Variants in FOXN3 observed in about 807,000 individuals in gnomAD.
FOXN3 encodes forkhead box protein N3.
A neutral mutation model predicts 38.4 loss-of-function variants in FOXN3; 7 were observed. The ratio of observed to expected loss-of-function variants is 0.18; its 90% confidence interval spans 0.10 to 0.34. The LOEUF (loss-of-function observed/expected upper bound fraction) is 0.34, where lower values mean the gene tolerates loss of function less well. Ranked by LOEUF, FOXN3 falls within the 10% of genes least tolerant of loss-of-function variation. FOXN3 has a pLI of 1.00. For missense variants in FOXN3, 456 were observed against 613.4 expected (o/e 0.74, Z 2.71); for synonymous variants, 230 against 242.2 (o/e 0.95, Z 0.47).
chr14:89,511,482 A>T (rs1342808352), intron 1 of FOXN3, among the ~76,000 whole-genome samples: 3 of 151,454 alleles, frequency 2.0e-5, no homozygotes, highest in Non-Finnish European at 4.4e-5. Flanking sequence ...TTTTGTAGAG[A>T]TAGGGTTTCA....
At chr14:89,304,310 C>T (rs140595928) in intron 3 of FOXN3, among the ~76,000 whole-genome samples, 7 of 152,038 alleles carry the variant, frequency 4.6e-5, no homozygotes, top group South Asian at 2.1e-4. Context: ...CGGGAAGGGG[C>T]GGGAAGGGGC....
At position 89,604,263 on chromosome 14, in the gene FOXN3, G is replaced by A. The variant is rs74082518; in HGVS notation, c.-15+14765C>T. On this transcript the variant is annotated intron_variant, in intron 1 of 6. Coordinates refer to the FOXN3 transcript ENST00000345097. ...CACGTGCGCGCACACACACGCGCGC[G>A]CACACACACAGAGAGAGAGAGAGAG... is the stretch of plus-strand genomic sequence containing the variant. Among the ~76,000 whole-genome samples, 301 of 123,984 alleles carry A rather than the reference G, an allele frequency of 2.4e-3. 1 individual carries two copies. The highest frequency in any genetic ancestry group is 6.4e-3 in the African/African-American group (209 of 32,490). The allele number at this position is 123,984 out of a possible 152,430, so 81.3% of individuals were successfully genotyped here.
At chr14:89,474,567 A>ATCGT (rs1486624384) in intron 1 of FOXN3, among the ~76,000 whole-genome samples, 2 of 152,348 alleles carry the variant, frequency 1.3e-5, no homozygotes, top group East Asian at 3.9e-4. Flanking sequence ...AATAATAAGA[A>ATCGT]TCGTCAGGAC....
At position 89,412,416 on chromosome 14, in the gene FOXN3, C is replaced by T; in HGVS notation, c.61G>A (p.Gly21Arg). Residue 21 changes from glycine (G) to arginine (R), a missense_variant, in exon 2 of 6, where the codon GGA becomes AGA. Physicochemically the swap from Gly to Arg is moderately radical, Grantham distance 125 (BLOSUM62 -2). Transcript: ENST00000557258. The surrounding 1 kb of genome is among the most constrained non-coding windows in gnomAD (Gnocchi z 4.7). ...PESSGISVSS[G>R]LSQCYGGSGF... is the part of the protein sequence containing the mutation. ...CTGCCCCCGTAACACTGACTCAGTC[C>T]ACTGGAGACACTAATTCCTGAGCTT... 1.9e-6 allele frequency: 3 copies of T among 1,613,966 alleles called. No homozygotes were observed. Among genetic ancestry groups the T allele is most frequent in the Non-Finnish European group, 2.5e-6 (3 of 1,179,880 alleles).
At chr14:89,573,544 T>C (rs1895537092) in intron 1 of FOXN3, among the ~76,000 whole-genome samples, 2 of 152,218 alleles carry the variant, frequency 1.3e-5, no homozygotes, top group Admixed American at 1.3e-4. Flanking sequence ...AAGACCAGCA[T>C]GCTTTTTGCT....
intron 4 of FOXN3, among the ~76,000 whole-genome samples, chr14:89,276,531 T>C (rs1331581423): frequency 6.6e-6 from 1 of 151,486 alleles, no homozygotes; most frequent in African/African-American, 2.4e-5. Context: ...CTTCTTAGAG[T>C]GGGTGGGCCA....
At chr14:89,293,889 C>T (rs1277001008) in intron 3 of FOXN3, among the ~76,000 whole-genome samples, 1 of 152,198 alleles carries the variant, frequency 6.6e-6, no homozygotes, top group African/African-American at 2.4e-5. Flanking sequence ...GTGCTTGGAA[C>T]CTGGCTGCCA....
chr14:89,453,205 A>T (rs1177674543), intron 1 of FOXN3, among the ~76,000 whole-genome samples: 3 of 151,750 alleles, frequency 2.0e-5, no homozygotes, highest in Non-Finnish European at 4.4e-5. Flanking sequence ...GTCTCAAAAA[A>T]AAAGAACTAA....
chr14:89,224,919 A>G (rs1884584312), intron 4 of FOXN3, among the ~76,000 whole-genome samples: 1 of 151,936 alleles, frequency 6.6e-6, no homozygotes, highest in Admixed American at 6.6e-5. Context: ...TCACGAGGTC[A>G]GGAGATCGAG....
At chr14:89,441,451 C>T (rs765564411) in intron 1 of FOXN3, among the ~76,000 whole-genome samples, 29 of 152,084 alleles carry the variant, frequency 1.9e-4, no homozygotes, top group Non-Finnish European at 3.8e-4. Flanking sequence ...AGTAATAAGC[C>T]GGGGCAAGAG....
intron 3 of FOXN3, chr14:89,290,067 G>C: frequency 6.4e-6 from 1 of 155,154 alleles, no homozygotes; most frequent in South Asian, 2.0e-4. Context: ...CCACAAAGTC[G>C]TGCCAGAAAC....
At chr14:89,207,347 C>A (rs1566929252) in intron 4 of FOXN3, among the ~76,000 whole-genome samples, 1 of 150,960 alleles carries the variant, frequency 6.6e-6, no homozygotes. Context: ...AAAAAAAAAA[C>A]AACTGGCTAA....
At chr14:89,306,882 A>G (rs1347166187) in intron 3 of FOXN3, among the ~76,000 whole-genome samples, 3 of 152,214 alleles carry the variant, frequency 2.0e-5, no homozygotes, top group Non-Finnish European at 4.4e-5. Flanking sequence ...TGAAATTCAA[A>G]CTTCAATGCC....
chr14:89,325,268 T>TCACCAACACCAACACCAACAC (rs1256226397), intron 3 of FOXN3, among the ~76,000 whole-genome samples: 2 of 59,570 alleles, frequency 3.4e-5, no homozygotes, highest in Non-Finnish European at 9.2e-5. Flanking sequence ...ACCACCACCA[T>TCACCAACACCAACACCAACAC]CACCAACACC....
At chr14:89,450,487 A>C (rs1892592468) in intron 1 of FOXN3, among the ~76,000 whole-genome samples, 1 of 152,140 alleles carries the variant, frequency 6.6e-6, no homozygotes, top group Non-Finnish European at 1.5e-5. Context: ...CATGATGGAC[A>C]CCTGGACTTA....
intron 3 of FOXN3, among the ~76,000 whole-genome samples, chr14:89,324,806 C>T (rs1817171243): frequency 6.6e-6 from 1 of 152,144 alleles, no homozygotes; most frequent in Admixed American, 6.5e-5. Flanking sequence ...TGGAAAGACA[C>T]TGAGAGGTTT....
chr14:89,417,553 TC>T (rs558473381), upstream of FOXN3: 283 of 299,136 alleles, frequency 9.5e-4, 1 homozygote, highest in South Asian at 6.8e-3. Context: ...GCGTGCCCTG[TC>T]CCCTCCCCGG....
chr14:89,345,380 A>C (rs1888732457), intron 3 of FOXN3, among the ~76,000 whole-genome samples: 2 of 152,014 alleles, frequency 1.3e-5, no homozygotes, highest in Non-Finnish European at 1.5e-5. Context: ...AGGAAAGAGA[A>C]GTTACAAAGA....
At chr14:89,246,938 C>A (rs752374091) in intron 4 of FOXN3, among the ~76,000 whole-genome samples, 3 of 151,906 alleles carry the variant, frequency 2.0e-5, no homozygotes, top group Non-Finnish European at 2.9e-5. Flanking sequence ...AATAATAACC[C>A]CTCCCTCAAT....
Sources: allele counts gnomAD v4.1 joint callset (sites outside exome capture counted in the v4.1 genomes callset), GRCh38; gene constraint gnomAD v4.1.1; non-coding constraint Gnocchi (gnomAD v3.1); transcripts MANE v1.5; gene names NCBI Gene and HGNC (gene_info 2026-07-23, HGNC 2026-07-21).